GRID1: variants seen among roughly 807,000 people sequenced by gnomAD.
GRID1 encodes the protein glutamate ionotropic receptor delta type subunit 1, also known as glutamate receptor ionotropic, delta-1.
Under a neutral mutation model 98.0 loss-of-function variants are expected in GRID1, and 28 were observed. The ratio of observed to expected loss-of-function variants is 0.29; its 90% confidence interval spans 0.21 to 0.39. The LOEUF is 0.39. GRID1 is among the 10% of genes least tolerant of loss of function. The pLI is 1.00. For missense variants in GRID1, 1,111 were observed against 1,340.5 expected (o/e 0.83, Z 2.67); for synonymous variants, 553 against 538.5 (o/e 1.03, Z -0.37).
At chr10:85,991,548 T>G (rs1208699229) in intron 4 of GRID1, among the ~76,000 whole-genome samples, 4 of 150,982 alleles carry the variant, frequency 2.6e-5, no homozygotes, top group Non-Finnish European at 1.5e-5. Flanking sequence ...AGTGGGAGTT[T>G]GGGCAAGAAA....
intron 4 of GRID1, among the ~76,000 whole-genome samples, chr10:85,982,331 A>T (rs1048842961): frequency 6.8e-6 from 1 of 146,754 alleles, no homozygotes; most frequent in African/African-American, 2.6e-5. Context: ...TTTTATATTA[A>T]AAAAAAACTT....
At chr10:86,074,123 A>G (rs1056564904) in intron 4 of GRID1, among the ~76,000 whole-genome samples, 23 of 152,184 alleles carry the variant, frequency 1.5e-4, no homozygotes, top group African/African-American at 4.1e-4. Flanking sequence ...TTACGTGCGC[A>G]AATGTATGGG....
intron 2 of GRID1, among the ~76,000 whole-genome samples, chr10:86,353,692 A>G (rs561050586): frequency 6.6e-6 from 1 of 152,282 alleles, no homozygotes; most frequent in Admixed American, 6.5e-5. Flanking sequence ...GGAGAGACCC[A>G]CCCTCAGCTC....
intron 8 of GRID1, among the ~76,000 whole-genome samples, chr10:85,790,731 G>A (rs1221763162): frequency 6.6e-6 from 1 of 152,164 alleles, no homozygotes; most frequent in Non-Finnish European, 1.5e-5. Context: ...CCTGCTCTAT[G>A]ATTGGGCATC....
rs1847631288 is a variant in GRID1, at chr10:86,298,654, TA to T, written c.235+65286del. On this transcript the variant is annotated intron_variant, in intron 2 of 15. Transcript: ENST00000327946. ...CCTCCTTCAGGACTCATCCTGGAGC[TA>T]AACATGCCCCCGAGGCTTCCTCACC... Among the ~76,000 whole-genome samples, 4 of 152,148 alleles carry T rather than the reference TA, an allele frequency of 2.6e-5. No individual in the cohort carries two copies. In the South Asian group the frequency reaches 8.3e-4, roughly 32 times the overall value.
intron 13 of GRID1, among the ~76,000 whole-genome samples, chr10:85,620,658 C>A (rs545000877): frequency 1.3e-5 from 2 of 152,158 alleles, no homozygotes; most frequent in Non-Finnish European, 2.9e-5. Context: ...TATGGTGCCA[C>A]GCCAGGCTTC....
chr10:85,733,267 T>C (rs1255543197), intron 8 of GRID1, among the ~76,000 whole-genome samples: 1 of 152,216 alleles, frequency 6.6e-6, no homozygotes, highest in Non-Finnish European at 1.5e-5. Context: ...TTTCTTGCCA[T>C]GTTCTCTGGG....
rs530295516 is a variant in GRID1, at chr10:85,678,886, T to C, written c.1998-31489A>G. ...TGTAATTTAAATTGCACCCTGAGCA[T>C]GCAACTAAATTTTTCTCTCAATGGA... On this transcript the variant is annotated intron_variant, in intron 12 of 15. Transcript: ENST00000327946. 4.6e-5 allele frequency among the ~76,000 whole-genome samples: 7 copies of C among 152,272 alleles called. No homozygotes were observed. The East Asian group carries it at 9.7e-4, about 21-fold the overall frequency.
intron 4 of GRID1, 95 bp downstream of exon 4, chr10:86,138,724 A>G: frequency 1.0e-6 from 1 of 956,744 alleles, no homozygotes; most frequent in Non-Finnish European, 1.6e-6. Context: ...CGTTTAGGCC[A>G]TGCGTAAGAC....
intron 3 of GRID1, among the ~76,000 whole-genome samples, chr10:86,164,716 C>G (rs1845373278): frequency 6.6e-6 from 1 of 152,104 alleles, no homozygotes; most frequent in South Asian, 2.1e-4. Flanking sequence ...GAGGGAACAA[C>G]ATTCAGGCAG....
rs372105856 is a variant in GRID1 at position 85,923,968 on chromosome 10, AT to A, written c.727-7730del. On this transcript the variant is annotated intron_variant, in intron 4 of 15. Transcript: ENST00000327946. ...CACATGCACCTCTGGTTGTCAAAGG[AT>A]TTTTTTGCATATGGGGAGTAGCCTC... is the stretch of plus-strand genomic sequence containing the variant. Among the ~76,000 whole-genome samples, 396 of 152,050 alleles carry A rather than the reference AT, an allele frequency of 2.6e-3. 3 individuals are homozygous for A. The highest frequency in any genetic ancestry group is 8.8e-3 in the African/African-American group (365 of 41,470).
intron 4 of GRID1, among the ~76,000 whole-genome samples, chr10:86,029,421 T>C (rs562806383): frequency 2.0e-5 from 3 of 152,332 alleles, no homozygotes; most frequent in South Asian, 2.1e-4. Context: ...AGAGGTCTTA[T>C]CTGAGATTCC....
Position 85,601,918 on chromosome 10 carries a change from C to A in GRID1, c.*355G>T, listed in dbSNP as rs944399059. Reference sequence around the variant, plus strand: ...TCCCTTCTCCCCCAGCAGAGAGGGGCTCCTTATCTGGTCGCCCCTCCTGCC... The same window carrying A: ...TCCCTTCTCCCCCAGCAGAGAGGGGATCCTTATCTGGTCGCCCCTCCTGCC... On this transcript the variant is annotated 3_prime_UTR_variant, in exon 16 of 16. Coordinates refer to ENST00000327946, the MANE Select transcript of GRID1 (RefSeq NM_017551.3). The A allele has an allele frequency of 1.9e-5, 4 of 210,290 alleles. 1 individual carries two copies. In the South Asian group the frequency reaches 6.6e-4, roughly 35 times the overall value. The allele number at this position is 210,290 out of a possible 1,614,324, so 13.0% of individuals were successfully genotyped here.
chr10:86,215,265 G>A (rs890980219), intron 2 of GRID1, among the ~76,000 whole-genome samples: 1 of 152,294 alleles, frequency 6.6e-6, no homozygotes, highest in South Asian at 2.1e-4. Flanking sequence ...GAGGAATGAC[G>A]GACTGTCGTC....
chr10:85,709,428 C>T (rs1841558973), intron 12 of GRID1, among the ~76,000 whole-genome samples: 1 of 152,180 alleles, frequency 6.6e-6, no homozygotes. Context: ...TTGAACCTTT[C>T]ACTTTGGCCC....
chr10:85,633,388 A>T (rs1483677316), intron 13 of GRID1, among the ~76,000 whole-genome samples: 1 of 152,188 alleles, frequency 6.6e-6, no homozygotes, highest in Non-Finnish European at 1.5e-5. Context: ...CACATTCTCC[A>T]TTCACTATGC....
intron 12 of GRID1, 30 bp from the exon 13 acceptor site, chr10:85,647,427 G>A: frequency 6.4e-7 from 1 of 1,558,020 alleles, no homozygotes; most frequent in Middle Eastern, 1.7e-4. Flanking sequence ...CGAGGCATGA[G>A]TACATGCTGT....
At chr10:86,251,404 C>T (rs1305709368) in intron 2 of GRID1, among the ~76,000 whole-genome samples, 1 of 150,084 alleles carries the variant, frequency 6.7e-6, no homozygotes, top group Non-Finnish European at 1.5e-5. Context: ...TGCAATATGA[C>T]ATATTTATGC....
At chr10:86,048,684 A>AG (rs1843458905) in intron 4 of GRID1, among the ~76,000 whole-genome samples, 2 of 152,240 alleles carry the variant, frequency 1.3e-5, no homozygotes, top group South Asian at 4.1e-4. Flanking sequence ...TACCATGTGA[A>AG]GGGGTGGAAG....
Sources: allele counts gnomAD v4.1 joint callset (sites outside exome capture counted in the v4.1 genomes callset), GRCh38; gene constraint gnomAD v4.1.1; transcripts MANE v1.5; gene names NCBI Gene and HGNC (gene_info 2026-07-23, HGNC 2026-07-21).